The following CFAP44 variants were observed in gnomAD, a reference collection of about 807,000 sequenced individuals.
CFAP44 encodes the protein cilia- and flagella-associated protein 44.
CFAP44 carries 134 observed loss-of-function variants against 216.2 expected under a neutral mutation model. The ratio of observed to expected loss-of-function variants is 0.62; its 90% CI spans 0.54 to 0.72. CFAP44 has a LOEUF of 0.72. Among genes scored for constraint, CFAP44 ranks in the 30% least tolerant of loss-of-function variants. The pLI is 0.00. For missense variants in CFAP44, 2,035 were observed against 2,182.1 expected, an observed-to-expected ratio of 0.93 and a Z score of 1.34; for synonymous variants, 700 against 727.6, an observed-to-expected ratio of 0.96 and a Z score of 0.61.
At chr3:113,291,845 A>G (rs944512445) in intron 34 of CFAP44, 97 bp from the exon 35 acceptor site, 2 of 1,327,754 alleles carry the variant, frequency 1.5e-6, no homozygotes, top group Non-Finnish European at 2.0e-6. Context: ...CTGGCCTGAC[A>G]GTCACCCTAA....
At chr3:113,363,846 A>G (rs1447833122) in intron 19 of CFAP44, among the ~76,000 whole-genome samples, 1 of 152,194 alleles carries the variant, frequency 6.6e-6, no homozygotes, top group South Asian at 2.1e-4. Flanking sequence ...TGCTATTAAC[A>G]CAGAATTCAC....
In CFAP44 at chr3:113,409,230, T is replaced by C. The variant is rs1419940468; in HGVS notation, c.766A>G (p.Ile256Val). The change falls in exon 7 of 35, where the codon ATC (isoleucine) becomes GTC (valine). Residue 256 changes from isoleucine to valine, a missense_variant. Transcript: ENST00000393845. ...GGTTGTTCTTCTTTCCAGTTCCAGA[T>C]AGTCAGTGTGTAGTCAGGGTTACTA... is the stretch of plus-strand genomic sequence containing the variant. The part of the protein sequence containing the change: ...VGSNPDYTLT[I>V]WNWKEEQPIL... 4 of 1,614,008 alleles carry C rather than the reference T, an allele frequency of 2.5e-6. No homozygotes were observed. The highest frequency in any genetic ancestry group is 3.4e-6 in the Non-Finnish European group (4 of 1,180,042).
chr3:113,370,581 C>G (rs1933117682), intron 18 of CFAP44, among the ~76,000 whole-genome samples: 1 of 152,172 alleles, frequency 6.6e-6, no homozygotes, highest in Non-Finnish European at 1.5e-5. Context: ...GAATGTACCT[C>G]AAAATGATAA....
Position 113,363,344 on chromosome 3 carries a change from T to C in CFAP44, c.2772-37A>G, listed in dbSNP as rs368203048. 4.9e-5 allele frequency: 78 copies of C among 1,584,874 alleles called. No individual in the cohort carries two copies. The African/African-American group carries it at 9.7e-4, about 20-fold the overall frequency. ...AATTTAAAACAATAACAGGTTGTGA[T>C]ACAGAAACAGCAGAGAAAGAGAAAA... On this transcript the variant is annotated intron_variant, in intron 20 of 34. Coordinates refer to ENST00000393845, the MANE Select transcript of CFAP44 (RefSeq NM_001164496.2).
At chr3:113,437,485 C>T (rs776919739) in intron 1 of CFAP44, among the ~76,000 whole-genome samples, 1 of 152,204 alleles carries the variant, frequency 6.6e-6, no homozygotes, top group Non-Finnish European at 1.5e-5. Context: ...TTATTCTGTG[C>T]TATCTTAAAC....
At chr3:113,381,856 A>G (rs1214021743) in intron 15 of CFAP44, among the ~76,000 whole-genome samples, 1 of 152,214 alleles carries the variant, frequency 6.6e-6, no homozygotes, top group Non-Finnish European at 1.5e-5. Context: ...CTTACCTCCA[A>G]TGGAAGCTTG....
intron 17 of CFAP44, among the ~76,000 whole-genome samples, chr3:113,375,685 T>C (rs1933322270): frequency 6.6e-6 from 1 of 151,976 alleles, no homozygotes; most frequent in Admixed American, 6.6e-5. Context: ...ACCACGCGTG[T>C]TGGCACACAC....
chr3:113,408,541 G>A (rs553517941), intron 7 of CFAP44, among the ~76,000 whole-genome samples: 1 of 152,310 alleles, frequency 6.6e-6, no homozygotes, highest in East Asian at 1.9e-4. Context: ...AGGAGGTGGA[G>A]CCTATAAGAA....
At chr3:113,436,921 T>G (rs1935253178) in intron 1 of CFAP44, among the ~76,000 whole-genome samples, 1 of 152,218 alleles carries the variant, frequency 6.6e-6, no homozygotes, top group African/African-American at 2.4e-5. Context: ...GAGTCAAAAG[T>G]CCAGGTCAAG....
intron 1 of CFAP44, among the ~76,000 whole-genome samples, chr3:113,438,715 C>T (rs1411047494): frequency 6.6e-6 from 1 of 152,192 alleles, no homozygotes; most frequent in Non-Finnish European, 1.5e-5. Context: ...CTCCCTGCAA[C>T]TTGGATCCAT....
Position 113,420,181 on chromosome 3 carries a change from T to A in CFAP44, c.408-2A>T, listed in dbSNP as rs1399948990. On this transcript the variant is annotated splice_acceptor_variant, in intron 4 of 34. Coordinates refer to ENST00000393845, the MANE Select transcript of CFAP44 (RefSeq NM_001164496.2). LOFTEE classifies it high-confidence loss of function. ...CTACAGTCATAACCAAAAGAATGTC[T>A]GAGGGAAAGTTGCTAAGGAAAAGAA... The A allele has an allele frequency of 6.2e-7, 1 of 1,606,464 alleles. No homozygotes were observed. The highest frequency in any genetic ancestry group is 2.2e-5 in the East Asian group (1 of 44,724).
intron 31 of CFAP44, among the ~76,000 whole-genome samples, chr3:113,304,492 AC>A (rs1263051788): frequency 6.6e-6 from 1 of 152,238 alleles, no homozygotes; most frequent in African/African-American, 2.4e-5. Context: ...TTCCTAAAAT[AC>A]AGCTTTTTCT....
Position 113,344,482 on chromosome 3 carries a change from A to G in CFAP44, c.3262+34T>C, listed in dbSNP as rs776282652. On this transcript the variant is annotated intron_variant, in intron 23 of 34. Coordinates refer to ENST00000393845, the MANE Select transcript of CFAP44 (RefSeq NM_001164496.2). The stretch of plus-strand genomic sequence containing the variant: ...CAATTCACTTTTGAAGTCTTAGTAA[A>G]TAAGAATTTAAAAGCCTTCTTGTCA... 7 of 1,510,742 alleles carry G rather than the reference A, an allele frequency of 4.6e-6. No individual in the cohort carries two copies. In the African/African-American group the frequency reaches 7.0e-5, roughly 15 times the overall value. The allele number at this position is 1,510,742 out of a possible 1,614,324, so 93.6% of individuals were successfully genotyped here.
At chr3:113,347,340 C>T (rs529731380) in intron 22 of CFAP44, among the ~76,000 whole-genome samples, 1 of 152,208 alleles carries the variant, frequency 6.6e-6, no homozygotes, top group East Asian at 1.9e-4. Context: ...GACCCTGTAG[C>T]CATGAGTGGA....
chr3:113,400,237 G>C (rs977476034), intron 12 of CFAP44, among the ~76,000 whole-genome samples: 5 of 152,100 alleles, frequency 3.3e-5, no homozygotes, highest in African/African-American at 9.7e-5. Context: ...AGTCCATATA[G>C]ATTTGCCATA....
At chr3:113,381,339 T>C (rs1337793847) in intron 15 of CFAP44, among the ~76,000 whole-genome samples, 1 of 152,220 alleles carries the variant, frequency 6.6e-6, no homozygotes, top group Non-Finnish European at 1.5e-5. Flanking sequence ...ACATATGTGA[T>C]TCATATATGT....
Position 113,363,330 on chromosome 3 carries a change from A to C in CFAP44, c.2772-23T>G, listed in dbSNP as rs778995540. 15 of 1,592,940 alleles carry C rather than the reference A, an allele frequency of 9.4e-6. No individual in the cohort carries two copies. In the South Asian group the frequency reaches 1.7e-4, roughly 18 times the overall value. ...ATACTGAAAACAGAAATTTAAAACA[A>C]TAACAGGTTGTGATACAGAAACAGC... On this transcript the variant is annotated intron_variant, in intron 20 of 34. Transcript: ENST00000393845.
chr3:113,420,864 T>A (rs1934796673), intron 4 of CFAP44, among the ~76,000 whole-genome samples: 1 of 152,176 alleles, frequency 6.6e-6, no homozygotes, highest in Non-Finnish European at 1.5e-5. Flanking sequence ...TATATGTAAT[T>A]AATAGACTAA....
Position 113,306,326 on chromosome 3 carries a change from C to T in CFAP44, c.4633G>A (p.Asp1545Asn). Residue 1545 changes from aspartate to asparagine, a missense_variant, in exon 30 of 35, where the codon GAT becomes AAT. Physicochemically the swap from Asp to Asn is conservative, Grantham distance 23 (BLOSUM62 1). Around this residue, in one of 3 missense-constraint regions of CFAP44, gnomAD observed 1,883 missense variants for 2,023.7 expected, o/e 0.93. Coordinates refer to ENST00000393845, the MANE Select transcript of CFAP44 (RefSeq NM_001164496.2). ...AGGGCCAGCTCAAAAAGAGCCACAT[C>T]ACAATCTGCCAAGAGAATTAAAATA... ...FDDSICPTNC[D>N]VALFELALHL... 6.5e-7 allele frequency: 1 copy of T among 1,535,970 alleles called. No homozygotes were observed. The highest frequency in any genetic ancestry group is 1.7e-4 in the Middle Eastern group (1 of 5,986).
Sources: gnomAD v4.1 joint callset for allele counts (sites outside exome capture counted in the v4.1 genomes callset) on GRCh38, gnomAD v4.1.1 for gene constraint, gnomAD v4.1.1 regional missense constraint, MANE v1.5 for transcripts, NCBI Gene and HGNC (gene_info 2026-07-23, HGNC 2026-07-21) for gene names.